NF1: variants seen among roughly 807,000 people sequenced by gnomAD.
NF1 encodes the protein neurofibromin.
A neutral mutation model predicts 325.7 loss-of-function variants in NF1; 122 were observed. The ratio of observed to expected loss-of-function variants is 0.37; its 90% confidence interval spans 0.32 to 0.44. The LOEUF is 0.44. NF1 is among the 20% of genes least tolerant of loss of function. The pLI is 1.00. For synonymous variants in NF1, 1,091 were observed against 1,186.0 expected (o/e 0.92, Z 1.65); for missense variants, 2,140 against 3,415.4 (o/e 0.63, Z 9.31).
chr17:31,313,720 A>AATGTG (rs1491534857), intron 36 of NF1, among the ~76,000 whole-genome samples: 1 of 101,186 alleles, frequency 9.9e-6, no homozygotes, highest in African/African-American at 3.8e-5. Flanking sequence ...AAAAAAAAAA[A>AATGTG]TATGTGTGTG....
At chr17:31,105,153 C>A (rs1912742202) in intron 1 of NF1, among the ~76,000 whole-genome samples, 1 of 152,160 alleles carries the variant, frequency 6.6e-6, no homozygotes, top group African/African-American at 2.4e-5. Context: ...TCCCACCTGG[C>A]TTCCCAAAGC....
intron 8 of NF1, among the ~76,000 whole-genome samples, chr17:31,185,857 C>T (rs2952977): frequency 1.3e-5 from 2 of 151,942 alleles, no homozygotes; most frequent in Admixed American, 1.3e-4. Context: ...GATGCTGTTT[C>T]GAGCCTTTGG....
intron 29 of NF1, among the ~76,000 whole-genome samples, chr17:31,238,143 G>A (rs1352623702): frequency 6.6e-6 from 1 of 152,124 alleles, no homozygotes. Flanking sequence ...GCTGAGCATG[G>A]AGTGCCTAGA....
intron 35 of NF1, among the ~76,000 whole-genome samples, chr17:31,263,489 AATAAAT>A (rs1450777535): frequency 1.3e-5 from 2 of 150,332 alleles, no homozygotes; most frequent in East Asian, 3.9e-4. Context: ...TATAAATATA[AATAAAT>A]ATAAATATAA....
At chr17:31,213,114 T>A (rs1379380073) in intron 12 of NF1, among the ~76,000 whole-genome samples, 1 of 152,172 alleles carries the variant, frequency 6.6e-6, no homozygotes, top group African/African-American at 2.4e-5. Context: ...GTAAATAAAT[T>A]CGTTTAATCA....
At chr17:31,175,015 A>G (rs2065993691) in intron 5 of NF1, among the ~76,000 whole-genome samples, 1 of 144,934 alleles carries the variant, frequency 6.9e-6, no homozygotes. Flanking sequence ...AGGCTGAAGC[A>G]GGAGAATCGC....
intron 18 of NF1, 94 bp from the exon 19 acceptor site, chr17:31,227,124 T>A: frequency 7.7e-6 from 10 of 1,290,942 alleles, no homozygotes; most frequent in Non-Finnish European, 1.0e-5. Context: ...TTTGCTCTGC[T>A]CTTCCTACTC....
chr17:31,233,316 TCAGAGC>T (rs1824114522), intron 27 of NF1, 103 bp downstream of exon 27: 1 of 1,176,492 alleles, frequency 8.5e-7, no homozygotes, highest in Admixed American at 1.9e-5. Context: ...TGATAAAATT[TCAGAGC>T]CAGAAGAAAG....
At chr17:31,351,860 G>GTTT (rs74671521) in intron 50 of NF1, among the ~76,000 whole-genome samples, 2 of 141,412 alleles carry the variant, frequency 1.4e-5, no homozygotes. Context: ...ATTTTTTGGG[G>GTTT]TTTTTTTTTT....
chr17:31,303,008 A>C (rs1199817200), intron 36 of NF1, among the ~76,000 whole-genome samples: 1 of 152,236 alleles, frequency 6.6e-6, no homozygotes, highest in Admixed American at 6.5e-5. Flanking sequence ...GATGGCTTGA[A>C]AGATTTTAGG....
At chr17:31,331,007 A>G (rs2069472292) in intron 39 of NF1, 1 of 152,636 alleles carries the variant, frequency 6.6e-6, no homozygotes, top group South Asian at 2.1e-4. Context: ...TAAATTTAAT[A>G]TCCACTCTTT....
intron 36 of NF1, among the ~76,000 whole-genome samples, chr17:31,282,063 A>G (rs1408827383): frequency 6.6e-6 from 1 of 151,724 alleles, no homozygotes; most frequent in Non-Finnish European, 1.5e-5. Flanking sequence ...CTGTCTGGAA[A>G]AAAAAAAAAA....
chr17:31,267,662 T>G (rs1283381884), intron 36 of NF1, among the ~76,000 whole-genome samples: 2 of 152,252 alleles, frequency 1.3e-5, no homozygotes, highest in African/African-American at 4.8e-5. Context: ...CTTAGACTAC[T>G]ATGTATTAAG....
chr17:31,261,899 T>G (rs1296433546), intron 35 of NF1, 42 bp downstream of exon 35: 1 of 1,608,808 alleles, frequency 6.2e-7, no homozygotes, highest in Admixed American at 1.7e-5. Context: ...TTCTTTTTGG[T>G]TGAGAAGGAG....
intron 39 of NF1, among the ~76,000 whole-genome samples, chr17:31,332,220 C>CTTTTTTTTTTTT (rs2069518179): frequency 6.6e-6 from 1 of 152,108 alleles, no homozygotes; most frequent in African/African-American, 2.4e-5. Flanking sequence ...AATCCCAGCA[C>CTTTTTTTTTTTT]TTTGGGAGGC....
chr17:31,361,095 AAAAAAAAAAAAAAG>A (rs2070387683), intron 57 of NF1: 1 of 159,104 alleles, frequency 6.3e-6, no homozygotes, highest in East Asian at 1.8e-4. Flanking sequence ...AAAAAAAAAA[AAAAAAAAAAAAAAG>A]AAGAAGAAGA....
chr17:31,171,936 GA>G (rs1015970344), intron 5 of NF1, among the ~76,000 whole-genome samples: 3 of 152,074 alleles, frequency 2.0e-5, no homozygotes, highest in African/African-American at 7.2e-5. Flanking sequence ...GTTATTTGCA[GA>G]AAAAAACTAT....
rs17882566 is a variant in NF1, at chr17:31,372,631, A to G, written c.8378-1382A>G. ...AGGGTGACCACAGTCCTGTTACCCA[A>G]TTTGTAATCTTTCCTAATGTGATAG... On this transcript the variant is annotated intron_variant, in intron 57 of 57. Coordinates refer to ENST00000358273, the MANE Select transcript of NF1 (RefSeq NM_001042492.3). 7.8e-3 allele frequency among the ~76,000 whole-genome samples: 1,189 copies of G among 152,246 alleles called. 20 individuals are homozygous for G. Among genetic ancestry groups the G allele is most frequent in the African/African-American group, 0.027 (1,138 of 41,524 alleles).
chr17:31,294,949 T>C (rs534747200), intron 36 of NF1: 2 of 1,609,582 alleles, frequency 1.2e-6, no homozygotes, highest in East Asian at 4.5e-5. Flanking sequence ...GATATGGACA[T>C]ATTTTCCCAA....
Sources: gnomAD v4.1 joint callset for allele counts (sites outside exome capture counted in the v4.1 genomes callset) on GRCh38, gnomAD v4.1.1 for gene constraint, MANE v1.5 for transcripts, NCBI Gene and HGNC (gene_info 2026-07-23, HGNC 2026-07-21) for gene names.